DNAH5: variants seen among roughly 807,000 people sequenced by gnomAD.
The protein encoded by DNAH5 is axonemal beta dynein heavy chain 5.
In DNAH5, 372 loss-of-function variants were observed where a neutral mutation model predicts 518.2. The observed-to-expected ratio is 0.72, with a 90% CI of 0.66 to 0.78. The LOEUF is 0.78. Among genes scored for constraint, DNAH5 ranks in the 30% least tolerant of loss-of-function variants. The probability of loss-of-function intolerance (pLI) is 0.00; values close to 1 mark genes in which losing one functional copy is unlikely to be tolerated. For missense variants in DNAH5, 5,523 were observed against 5,687.0 expected (o/e 0.97, Z 0.93); for synonymous variants, 2,039 against 2,025.9 (o/e 1.01, Z -0.17).
In DNAH5 at chr5:13,885,854, C is replaced by T. The variant is rs141407715; in HGVS notation, c.2743+110G>A. On this transcript the variant is annotated intron_variant, in intron 18 of 78. Transcript: ENST00000265104. Reference sequence around the variant, plus strand: ...AGATTTATACATATCATTAGAAAATCGAGAGGATGTTTATAGAAGTATGAA... The same window carrying T: ...AGATTTATACATATCATTAGAAAATTGAGAGGATGTTTATAGAAGTATGAA... 2.0e-4 allele frequency: 204 copies of T among 1,010,506 alleles called. No individual in the cohort carries two copies. In the Admixed American group the frequency reaches 3.1e-3, roughly 15 times the overall value. The allele number at this position is 1,010,506 out of a possible 1,614,324, so 62.6% of individuals were successfully genotyped here.
intron 60 of DNAH5, among the ~76,000 whole-genome samples, chr5:13,761,510 G>A (rs10050670): frequency 0.28 from 41,965 of 150,786 alleles, 6,222 homozygotes; most frequent in South Asian, 0.42. Flanking sequence ...GGAGAATGGC[G>A]TGAACCTGGG....
intron 53 of DNAH5, among the ~76,000 whole-genome samples, chr5:13,777,871 G>T (rs1754338371): frequency 1.3e-5 from 2 of 152,092 alleles, no homozygotes; most frequent in Admixed American, 1.3e-4. Flanking sequence ...TGTTTTCTGA[G>T]CAATCAGTAC....
chr5:13,921,363 G>C (rs1777234108), intron 5 of DNAH5, among the ~76,000 whole-genome samples: 1 of 151,468 alleles, frequency 6.6e-6, no homozygotes, highest in Non-Finnish European at 1.5e-5. Flanking sequence ...TTCCCTACCT[G>C]CCCCTACATG....
intron 1 of DNAH5, among the ~76,000 whole-genome samples, chr5:13,983,780 G>C (rs958875112): frequency 1.3e-5 from 2 of 152,148 alleles, no homozygotes; most frequent in South Asian, 2.1e-4. Flanking sequence ...GCATCTACAA[G>C]GCAATCAGCG....
chr5:13,772,418 T>C lies in DNAH5; in HGVS notation c.9374-1438A>G, dbSNP rs983252342. Among the ~76,000 whole-genome samples, 4 of 152,256 alleles carry C rather than the reference T, an allele frequency of 2.6e-5. No individual in the cohort carries two copies. The East Asian group carries it at 7.7e-4, about 29-fold the overall frequency. ...AATCAGGATGGATTCTAAGTATATT[T>C]TTCCACAGACCCAGGATCTCTGGTG... is the stretch of plus-strand genomic sequence containing the variant. On this transcript the variant is annotated intron_variant, in intron 55 of 78. Coordinates refer to ENST00000265104, the MANE Select transcript of DNAH5 (RefSeq NM_001369.3).
chr5:13,994,570 T>G (rs1305916200), intron 1 of DNAH5, among the ~76,000 whole-genome samples: 3 of 152,148 alleles, frequency 2.0e-5, no homozygotes, highest in Non-Finnish European at 4.4e-5. Context: ...CTACTTACAC[T>G]CAAAGCCTGA....
At chr5:13,862,217 T>C (rs975681798) in intron 29 of DNAH5, among the ~76,000 whole-genome samples, 3 of 152,166 alleles carry the variant, frequency 2.0e-5, no homozygotes, top group African/African-American at 7.2e-5. Context: ...ATACGTTGCA[T>C]TATTTTGTCC....
intron 52 of DNAH5, among the ~76,000 whole-genome samples, chr5:13,783,693 G>C (rs988533733): frequency 2.0e-5 from 3 of 152,128 alleles, no homozygotes; most frequent in Non-Finnish European, 4.4e-5. Context: ...AAAGAAAATT[G>C]AGTTTCTAAC....
Position 13,883,108 on chromosome 5 carries a change from A to G in DNAH5, c.2984-14T>C. The G allele has an allele frequency of 6.2e-7, 1 of 1,612,868 alleles. No individual in the cohort carries two copies. The highest frequency in any genetic ancestry group is 8.5e-7 in the Non-Finnish European group (1 of 1,179,886). ...CACTGTTACTGTCTGAGTTAACCCA[A>G]AACAAGGAAGAATTCACATTTTTAA... On this transcript the variant is annotated splice_polypyrimidine_tract_variant and intron_variant, in intron 19 of 78. Transcript: ENST00000265104.
chr5:13,933,941 G>A (rs1778667900), intron 1 of DNAH5, among the ~76,000 whole-genome samples: 1 of 152,102 alleles, frequency 6.6e-6, no homozygotes, highest in Non-Finnish European at 1.5e-5. Context: ...TAGGGATTGT[G>A]TTTACAGGAT....
At chr5:13,866,056 T>C (rs1769196097) in intron 26 of DNAH5, 150 bp from the exon 27 acceptor site, 3 of 903,584 alleles carry the variant, frequency 3.3e-6, no homozygotes, top group Non-Finnish European at 3.5e-6. Flanking sequence ...AATTAATTCA[T>C]AGAAACTACT....
At chr5:13,788,089 A>T (rs927148897) in intron 51 of DNAH5, among the ~76,000 whole-genome samples, 1 of 152,172 alleles carries the variant, frequency 6.6e-6, no homozygotes, top group Non-Finnish European at 1.5e-5. Flanking sequence ...CATATATCTC[A>T]ATTTCCCCTG....
chr5:13,752,868 T>A (rs1278176763), intron 63 of DNAH5, among the ~76,000 whole-genome samples: 1 of 152,222 alleles, frequency 6.6e-6, no homozygotes, highest in East Asian at 1.9e-4. Flanking sequence ...AACAATGTTT[T>A]TTCTTCACCA....
intron 27 of DNAH5, among the ~76,000 whole-genome samples, chr5:13,864,883 AT>A (rs1296473284): frequency 1.3e-5 from 2 of 152,114 alleles, no homozygotes; most frequent in African/African-American, 4.8e-5. Context: ...TAGAGGCATT[AT>A]TTTAGAGCGT....
chr5:13,881,133 A>C (rs1304452108), intron 21 of DNAH5, among the ~76,000 whole-genome samples: 4 of 152,072 alleles, frequency 2.6e-5, no homozygotes, highest in South Asian at 2.1e-4. Flanking sequence ...CCAACATTGG[A>C]GCATATAACT....
At chr5:13,860,676 C>T (rs1768285635) in intron 29 of DNAH5, 1 of 152,164 alleles carries the variant, frequency 6.6e-6, no homozygotes, top group Non-Finnish European at 1.5e-5. Flanking sequence ...CCCATTCCAA[C>T]CTGAACCACC....
In DNAH5 at chr5:13,754,199, A is replaced by G. The variant is rs752047172; in HGVS notation, c.10555+4T>C. 1 of 1,614,052 alleles carries G rather than the reference A, an allele frequency of 6.2e-7. No individual in the cohort carries two copies. The highest frequency in any genetic ancestry group is 8.5e-7 in the Non-Finnish European group (1 of 1,179,958). On this transcript the variant is annotated splice_donor_region_variant and intron_variant, in intron 62 of 78. Transcript: ENST00000265104. ...CAATCTCATTAATAAAGAAATTTAC[A>G]TACCTACAAGTCTTTTAGTTTGTGC...
At chr5:13,794,991 C>T (rs1339216068) in intron 47 of DNAH5, among the ~76,000 whole-genome samples, 1 of 151,932 alleles carries the variant, frequency 6.6e-6, no homozygotes, top group African/African-American at 2.4e-5. Context: ...AATAAATAAA[C>T]CTTCATTGCA....
chr5:13,751,359 T>G, intron 64 of DNAH5, 99 bp from the exon 65 acceptor site: 1 of 1,170,292 alleles, frequency 8.5e-7, no homozygotes, highest in Non-Finnish European at 1.2e-6. Context: ...AATTACATAA[T>G]TGGAGATCAT....
Sources: gnomAD v4.1 joint callset for allele counts (sites outside exome capture counted in the v4.1 genomes callset) on GRCh38, gnomAD v4.1.1 for gene constraint, MANE v1.5 for transcripts, NCBI Gene and HGNC (gene_info 2026-07-23, HGNC 2026-07-21) for gene names.